SPATS2: variants seen among roughly 807,000 people sequenced by gnomAD.
The protein encoded by SPATS2 is spermatogenesis-associated serine-rich protein 2.
In SPATS2, 38 loss-of-function variants were observed where a neutral mutation model predicts 63.7. The ratio of observed to expected loss-of-function variants is 0.60; its 90% confidence interval spans 0.46 to 0.78. The LOEUF is 0.78. Among genes scored for constraint, SPATS2 ranks in the 30% least tolerant of loss-of-function variants. The pLI is 0.00. For synonymous variants in SPATS2, 207 were observed against 232.9 expected, an observed-to-expected ratio of 0.89 and a Z score of 1.01; for missense variants, 588 against 666.2, an observed-to-expected ratio of 0.88 and a Z score of 1.29.
At chr12:49,397,643 C>A (rs1944533491) in intron 2 of SPATS2, among the ~76,000 whole-genome samples, 1 of 151,682 alleles carries the variant, frequency 6.6e-6, no homozygotes. Context: ...ACCTGGGTAA[C>A]ATAACAAGAC....
chr12:49,516,679 C>T (rs1946856455), intron 10 of SPATS2, among the ~76,000 whole-genome samples: 1 of 151,278 alleles, frequency 6.6e-6, no homozygotes, highest in South Asian at 2.1e-4. Flanking sequence ...GCACTCCAGC[C>T]TAGCGACAGA....
chr12:49,469,542 TAAA>T (rs748722366), intron 3 of SPATS2: 21,870 of 308,410 alleles, frequency 0.071, 499 homozygotes, highest in African/African-American at 0.17. Flanking sequence ...GCTGGGTCTC[TAAA>T]AAAAAAAAAA....
At chr12:49,487,206 G>T (rs535376973) in intron 4 of SPATS2, among the ~76,000 whole-genome samples, 5 of 152,236 alleles carry the variant, frequency 3.3e-5, no homozygotes, top group Middle Eastern at 3.4e-3. Flanking sequence ...AGTCAGTGGG[G>T]CCAGGCGCGA....
At chr12:49,495,992 G>A (rs191223961) in intron 7 of SPATS2, among the ~76,000 whole-genome samples, 1 of 152,194 alleles carries the variant, frequency 6.6e-6, no homozygotes, top group African/African-American at 2.4e-5. Flanking sequence ...GTAAGATACT[G>A]GAAATTTCTC....
At position 49,526,437 on chromosome 12, in the gene SPATS2, C is replaced by A; in HGVS notation, c.*182C>A. 1 of 756,858 alleles carries A rather than the reference C, an allele frequency of 1.3e-6. No homozygotes were observed. The allele number at this position is 756,858 out of a possible 1,614,324, so 46.9% of individuals were successfully genotyped here. ...CTCTTTACCATTTTTGGAGGGGAAGCTATTTTTTTTCCTTGATCTTTCCCA... is the reference window on the plus strand; with the variant it reads ...CTCTTTACCATTTTTGGAGGGGAAGATATTTTTTTTCCTTGATCTTTCCCA... On this transcript the variant is annotated 3_prime_UTR_variant, in exon 14 of 14. Transcript: ENST00000552918.
At chr12:49,405,643 TAGCCGAGGTTGCAGTG>T (rs1944680505) in intron 2 of SPATS2, among the ~76,000 whole-genome samples, 1 of 151,966 alleles carries the variant, frequency 6.6e-6, no homozygotes, top group South Asian at 2.1e-4. Flanking sequence ...AGGTTGCAGT[TAGCCGAGGTTGCAGTG>T]AGCCGAGATC....
At chr12:49,519,333 G>A in intron 11 of SPATS2, 151 bp downstream of exon 11, 3 of 610,692 alleles carry the variant, frequency 4.9e-6, no homozygotes, top group Non-Finnish European at 8.2e-6. Flanking sequence ...TCTGTAAGTG[G>A]TATTATCATC....
chr12:49,458,389 A>G (rs1945756962), intron 2 of SPATS2, among the ~76,000 whole-genome samples: 1 of 151,856 alleles, frequency 6.6e-6, no homozygotes, highest in Non-Finnish European at 1.5e-5. Flanking sequence ...AATCGTTTGA[A>G]CCCAGGAGGC....
chr12:49,484,533 C>T, intron 3 of SPATS2, 57 bp from the exon 4 acceptor site: 1 of 1,554,562 alleles, frequency 6.4e-7, no homozygotes, highest in East Asian at 2.3e-5. Context: ...GCCCTTCTGT[C>T]TTAGGGATGG....
At chr12:49,525,794 A>G in intron 13 of SPATS2, 150 bp from the exon 14 acceptor site, 5 of 817,884 alleles carry the variant, frequency 6.1e-6, no homozygotes, top group Non-Finnish European at 9.4e-6. Flanking sequence ...GCTAGGTTGG[A>G]TTGGCTGAGA....
intron 2 of SPATS2, among the ~76,000 whole-genome samples, chr12:49,378,442 C>T (rs1479087441): frequency 2.6e-5 from 4 of 151,650 alleles, no homozygotes; most frequent in African/African-American, 7.3e-5. Flanking sequence ...GGACTACAGG[C>T]GCATGCCTCC....
At chr12:49,390,179 C>CT in intron 2 of SPATS2, 2 of 1,438,834 alleles carry the variant, frequency 1.4e-6, no homozygotes, top group Non-Finnish European at 9.5e-7. Flanking sequence ...GCTTCTGAGT[C>CT]TGTGAGCTTC....
chr12:49,460,970 A>G lies in SPATS2; in HGVS notation c.-43A>G. 6.2e-7 allele frequency: 1 copy of G among 1,611,724 alleles called. No homozygotes were observed. The highest frequency in any genetic ancestry group is 1.1e-5 in the South Asian group (1 of 90,736). On this transcript the variant is annotated 5_prime_UTR_variant, in exon 3 of 14. Coordinates refer to ENST00000552918, the MANE Select transcript of SPATS2 (RefSeq NM_023071.4). ...ACACTCAAAACCCAGACAAGGCAAA[A>G]GGATACTTTTCTTGTATATTTTTTG...
intron 2 of SPATS2, among the ~76,000 whole-genome samples, chr12:49,375,154 G>A (rs1315490173): frequency 2.9e-5 from 3 of 102,486 alleles, no homozygotes; most frequent in African/African-American, 4.5e-5. Context: ...GTGTGTGTGT[G>A]TGTGTGTGTG....
chr12:49,521,419 T>C (rs1946939581), intron 11 of SPATS2, among the ~76,000 whole-genome samples: 2 of 152,218 alleles, frequency 1.3e-5, no homozygotes, highest in South Asian at 4.2e-4. Context: ...TCAGTTACTG[T>C]TTTCTGTTTA....
At chr12:49,498,553 T>A (rs1015644470) in intron 8 of SPATS2, among the ~76,000 whole-genome samples, 2 of 152,166 alleles carry the variant, frequency 1.3e-5, no homozygotes, top group Non-Finnish European at 2.9e-5. Context: ...GTACCTTTTT[T>A]AAAGTCTTTT....
chr12:49,378,787 G>T (rs1239288477), intron 2 of SPATS2, among the ~76,000 whole-genome samples: 2 of 151,816 alleles, frequency 1.3e-5, no homozygotes, highest in Admixed American at 6.6e-5. Flanking sequence ...GTAGAGACAG[G>T]ATCTTGCTAT....
intron 3 of SPATS2, 164 bp downstream of exon 3, chr12:49,461,201 C>A (rs1945816042): frequency 2.8e-6 from 2 of 705,562 alleles, no homozygotes; most frequent in Non-Finnish European, 4.7e-6. Context: ...GGAATTAATT[C>A]ATATAACAAT....
intron 2 of SPATS2, among the ~76,000 whole-genome samples, chr12:49,436,529 AC>A (rs1176216511): frequency 2.3e-5 from 2 of 87,854 alleles, no homozygotes; most frequent in Non-Finnish European, 4.6e-5. Flanking sequence ...CGGGGGGCTG[AC>A]CCCCCCGCCT....
Sources: allele counts gnomAD v4.1 joint callset (sites outside exome capture counted in the v4.1 genomes callset), GRCh38; gene constraint gnomAD v4.1.1; transcripts MANE v1.5; gene names NCBI Gene and HGNC (gene_info 2026-07-23, HGNC 2026-07-21).